Variants in HEMK2 observed in about 807,000 individuals in gnomAD.
HEMK2 encodes methyltransferase HEMK2.
the HEMK2 span, among the ~76,000 whole-genome samples, chr21:28,760,902 G>C: frequency 4.6e-5 from 7 of 151,830 alleles, no homozygotes; most frequent in African/African-American, 1.7e-4. Flanking sequence ...ACTTTATTCG[G>C]GGATAATCCA....
chr21:28,652,305 C>A, the HEMK2 span, among the ~76,000 whole-genome samples: 1 of 152,184 alleles, frequency 6.6e-6, no homozygotes, highest in Non-Finnish European at 1.5e-5. Context: ...CATTCTTGGG[C>A]ATGTCATTGC....
At chr21:28,645,352 C>T in the HEMK2 span, among the ~76,000 whole-genome samples, 1 of 152,136 alleles carries the variant, frequency 6.6e-6, no homozygotes, top group Non-Finnish European at 1.5e-5. Flanking sequence ...TGAAATTATT[C>T]CGTTTATCTC....
the HEMK2 span, among the ~76,000 whole-genome samples, chr21:28,628,022 TG>T: frequency 6.6e-6 from 1 of 152,136 alleles, no homozygotes; most frequent in Non-Finnish European, 1.5e-5. Context: ...TGAGCCCCTA[TG>T]CTCTGCCCAC....
At chr21:28,577,241 C>T in the HEMK2 span, 1 of 152,140 alleles carries the variant, frequency 6.6e-6, no homozygotes, top group African/African-American at 2.4e-5. Flanking sequence ...AAATCCAAGG[C>T]CAGGATCTTC....
chr21:28,692,602 A>G, the HEMK2 span, among the ~76,000 whole-genome samples: 2 of 152,124 alleles, frequency 1.3e-5, no homozygotes, highest in Admixed American at 1.3e-4. Context: ...TTTATTTTTG[A>G]TATTTTTATG....
chr21:28,602,807 G>C, the HEMK2 span, among the ~76,000 whole-genome samples: 1 of 152,212 alleles, frequency 6.6e-6, no homozygotes, highest in South Asian at 2.1e-4. Context: ...CCACCATATT[G>C]AGGTAGCCAC....
chr21:28,829,257 G>A, the HEMK2 span, among the ~76,000 whole-genome samples: 1 of 152,178 alleles, frequency 6.6e-6, no homozygotes, highest in Non-Finnish European at 1.5e-5. Flanking sequence ...GTTGTGAGTT[G>A]CCCCTTGGTA....
the HEMK2 span, among the ~76,000 whole-genome samples, chr21:28,744,338 G>C: frequency 6.6e-6 from 1 of 152,166 alleles, no homozygotes; most frequent in Admixed American, 6.5e-5. Flanking sequence ...GTCCCCAGAA[G>C]TGTTCTTTTA....
chr21:28,751,833 T>C, the HEMK2 span, among the ~76,000 whole-genome samples: 2 of 152,134 alleles, frequency 1.3e-5, no homozygotes, highest in Non-Finnish European at 2.9e-5. Context: ...GCATATGCCA[T>C]TACGTCCAGC....
At chr21:28,667,505 A>C in the HEMK2 span, among the ~76,000 whole-genome samples, 1 of 152,204 alleles carries the variant, frequency 6.6e-6, no homozygotes, top group Admixed American at 6.5e-5. Context: ...GAAATCTGGA[A>C]TCTTTCTGCT....
At chr21:28,788,303 CAT>C in the HEMK2 span, among the ~76,000 whole-genome samples, 9 of 130,638 alleles carry the variant, frequency 6.9e-5, no homozygotes, top group African/African-American at 1.0e-4. Flanking sequence ...CACACACACA[CAT>C]ATATATGTGT....
the HEMK2 span, among the ~76,000 whole-genome samples, chr21:28,732,214 C>T: frequency 6.6e-6 from 1 of 152,246 alleles, no homozygotes; most frequent in South Asian, 2.1e-4. Context: ...ACTATCGTCT[C>T]TTCAAGATTT....
the HEMK2 span, among the ~76,000 whole-genome samples, chr21:28,724,888 T>C: frequency 6.6e-6 from 1 of 152,164 alleles, no homozygotes; most frequent in Admixed American, 6.5e-5. Context: ...TTCAAGTGAT[T>C]CCCCTGCCTC....
the HEMK2 span, among the ~76,000 whole-genome samples, chr21:28,805,000 C>T: frequency 1.3e-5 from 2 of 152,170 alleles, no homozygotes; most frequent in Admixed American, 6.5e-5. Flanking sequence ...AATTCTGATT[C>T]AGTTGGGCTA....
chr21:28,704,379 G>C, the HEMK2 span, among the ~76,000 whole-genome samples: 1 of 151,976 alleles, frequency 6.6e-6, no homozygotes, highest in African/African-American at 2.4e-5. Context: ...CAAACAAAAC[G>C]CATGGCTGGT....
chr21:28,662,869 A>C, the HEMK2 span, among the ~76,000 whole-genome samples: 1 of 152,118 alleles, frequency 6.6e-6, no homozygotes, highest in Non-Finnish European at 1.5e-5. Flanking sequence ...TATTAGCAAC[A>C]TGAGAACAGA....
the HEMK2 span, among the ~76,000 whole-genome samples, chr21:28,718,502 C>G: frequency 7.2e-5 from 11 of 152,202 alleles, no homozygotes; most frequent in African/African-American, 2.6e-4. Context: ...AAAGATCTGT[C>G]TAACAATGTC....
At chr21:28,592,077 C>T in the HEMK2 span, among the ~76,000 whole-genome samples, 5 of 152,052 alleles carry the variant, frequency 3.3e-5, no homozygotes, top group Admixed American at 2.0e-4. Flanking sequence ...GTAATAGGAT[C>T]GCTGGGTTGA....
the HEMK2 span, among the ~76,000 whole-genome samples, chr21:28,815,681 A>ATG: frequency 6.6e-6 from 1 of 152,146 alleles, no homozygotes; most frequent in African/African-American, 2.4e-5. Context: ...CAGGTGACAA[A>ATG]GACAAAGATG....
Sources: gnomAD v4.1 joint callset for allele counts (sites outside exome capture counted in the v4.1 genomes callset) on GRCh38, gnomAD v4.1.1 for gene constraint, MANE v1.5 for transcripts, NCBI Gene and HGNC (gene_info 2026-07-23, HGNC 2026-07-21) for gene names.